The following NTRK1 variants were observed in gnomAD, a reference collection of about 807,000 sequenced individuals.
NTRK1 encodes high affinity nerve growth factor receptor.
A neutral mutation model predicts 86.8 loss-of-function variants in NTRK1; 62 were observed. The observed-to-expected ratio is 0.71, with a 90% CI of 0.58 to 0.88. The LOEUF (loss-of-function observed/expected upper bound fraction) is 0.88. Among genes scored for constraint, NTRK1 ranks in the 40% least tolerant of loss-of-function variants. The pLI is 0.00. For missense variants in NTRK1, 967 were observed against 1,078.4 expected, an observed-to-expected ratio of 0.90 and a Z score of 1.45; for synonymous variants, 469 against 456.6, an observed-to-expected ratio of 1.03 and a Z score of -0.35.
At chr1:156,841,613 C>T in intron 1 of NTRK1, 6 of 1,609,882 alleles carry the variant, frequency 3.7e-6, no homozygotes, top group Non-Finnish European at 5.1e-6. Flanking sequence ...CAGGCCCCTC[C>T]CCAGATCCCG....
intron 1 of NTRK1, among the ~76,000 whole-genome samples, chr1:156,829,345 C>T (rs570825875): frequency 6.6e-6 from 1 of 152,286 alleles, no homozygotes; most frequent in South Asian, 2.1e-4. Flanking sequence ...CCGTATCCCT[C>T]ATCCCCCCTT....
At chr1:156,842,038 G>A in intron 1 of NTRK1, 1 of 1,598,474 alleles carries the variant, frequency 6.3e-7, no homozygotes. Flanking sequence ...CAGGGCTGTG[G>A]GTCTCCTGAT....
chr1:156,860,926 G>T lies in NTRK1; in HGVS notation c.-9G>T, dbSNP rs961226001. ...GCTGCCCCGCCTGAGCGAGGCGGGC[G>T]CCGCCGCGATGCTGCGAGGCGGACG... On this transcript the variant is annotated 5_prime_UTR_variant, in exon 1 of 17. Coordinates refer to ENST00000524377, the MANE Select transcript of NTRK1 (RefSeq NM_002529.4). The T allele has an allele frequency of 1.4e-6, 2 of 1,439,824 alleles. No individual in the cohort carries two copies. Among genetic ancestry groups the T allele is most frequent in the African/African-American group, 1.5e-5 (1 of 67,016 alleles). 89.2% of individuals were successfully genotyped at this position (1,439,824 alleles called of 1,614,324 possible). A position where few individuals can be genotyped will look rare whatever the true frequency, so the allele number is the denominator to read the frequency against.
chr1:156,861,083 G>T lies in NTRK1; in HGVS notation c.149G>T (p.Cys50Phe). 1.3e-6 allele frequency: 2 copies of T among 1,580,106 alleles called. No homozygotes were observed. The highest frequency in any genetic ancestry group is 8.6e-7 in the Non-Finnish European group (1 of 1,167,316). ...CCPHGSSGLRCTRDGALDSLH... is the reference protein window; with the variant it reads ...CCPHGSSGLRFTRDGALDSLH... ...CCCCACGGCTCCTCGGGACTGCGAT[G>T]CACCCGGGATGGGGCCCTGGATAGC... The change falls in exon 1 of 17, where the codon TGC becomes TTC. Residue 50 changes from cysteine to phenylalanine, a missense_variant. Around this residue, in one of 2 missense-constraint regions of NTRK1, gnomAD observed 330 missense variants for 302.0 expected, o/e 1.09. Transcript: ENST00000524377.
intron 7 of NTRK1, among the ~76,000 whole-genome samples, chr1:156,873,018 AGTGTGTGTGTGT>A (rs55870362): frequency 1.8e-4 from 23 of 131,016 alleles, no homozygotes; most frequent in South Asian, 5.3e-4. Flanking sequence ...TTTCAAAAAG[AGTGTGTGTGTGT>A]GTGTGTGTGT....
chr1:156,837,937 A>G (rs969856902), intron 1 of NTRK1: 2 of 152,088 alleles, frequency 1.3e-5, no homozygotes, highest in African/African-American at 4.8e-5. Context: ...CGTTGGTATG[A>G]GCAGGTGTCG....
chr1:156,865,772 G>A (rs1324665342), intron 3 of NTRK1, among the ~76,000 whole-genome samples: 1 of 152,184 alleles, frequency 6.6e-6, no homozygotes, highest in Non-Finnish European at 1.5e-5. Context: ...CTGAGGGCAG[G>A]AGTTCAGCTC....
At chr1:156,819,586 T>C (rs1427908431) in intron 1 of NTRK1, among the ~76,000 whole-genome samples, 3 of 152,062 alleles carry the variant, frequency 2.0e-5, no homozygotes, top group South Asian at 2.1e-4. Flanking sequence ...AATGGCATAA[T>C]CTCGGCTCAC....
At chr1:156,865,559 A>G (rs893632826) in intron 3 of NTRK1, among the ~76,000 whole-genome samples, 5 of 152,142 alleles carry the variant, frequency 3.3e-5, no homozygotes, top group African/African-American at 1.2e-4. Flanking sequence ...CCCTGTTTAT[A>G]GCCCCTCTTC....
intron 7 of NTRK1, among the ~76,000 whole-genome samples, chr1:156,873,339 G>A (rs998957655): frequency 6.6e-6 from 1 of 152,208 alleles, no homozygotes; most frequent in South Asian, 2.1e-4. Context: ...ATGTTTAATT[G>A]TCATAAGCTG....
At chr1:156,868,004 C>T (rs1647270714) in intron 4 of NTRK1, 100 bp from the exon 5 acceptor site, 3 of 1,329,902 alleles carry the variant, frequency 2.3e-6, no homozygotes, top group Admixed American at 1.7e-5. Context: ...CTCCCTTTCA[C>T]CTGTAGACGG....
Position 156,871,685 on chromosome 1 carries a change from G to A in NTRK1, c.780G>A (p.Arg260=), listed in dbSNP as rs1233899976. The change falls in exon 7 of 17, where the codon AGG becomes AGA. Residue 260 remains arginine, a synonymous_variant. Transcript: ENST00000524377. Reference sequence around the variant, plus strand: ...CCAATGTCACCAGTGACCTCAACAGGAAGAACGTGACGTGCTGGGCAGAGA... The same window carrying A: ...CCAATGTCACCAGTGACCTCAACAGAAAGAACGTGACGTGCTGGGCAGAGA... ...TLANVTSDLN[R]KNVTCWAEND... is the part of the protein sequence containing the mutation. 6.2e-7 allele frequency: 1 copy of A among 1,614,058 alleles called. No homozygotes were observed. The highest frequency in any genetic ancestry group is 2.2e-5 in the East Asian group (1 of 44,894).
intron 1 of NTRK1, among the ~76,000 whole-genome samples, chr1:156,819,665 A>G (rs1276342612): frequency 6.6e-6 from 1 of 151,836 alleles, no homozygotes; most frequent in African/African-American, 2.4e-5. Flanking sequence ...GATTACAGGC[A>G]TGCGCCACCA....
chr1:156,879,418 G>A (rs1182636305), intron 15 of NTRK1, 56 bp downstream of exon 15: 41 of 1,559,722 alleles, frequency 2.6e-5, no homozygotes, highest in Middle Eastern at 1.7e-4. Flanking sequence ...AGACACCCTG[G>A]ATCCCAAGAC....
upstream of NTRK1, chr1:156,860,707 G>A: frequency 1.3e-6 from 1 of 775,914 alleles, no homozygotes; most frequent in Non-Finnish European, 1.8e-6. Context: ...GGAGAAGGCT[G>A]ACGCTGGGGG....
At chr1:156,879,494 C>G in intron 15 of NTRK1, 132 bp downstream of exon 15, 1 of 1,224,472 alleles carries the variant, frequency 8.2e-7, no homozygotes, top group Non-Finnish European at 1.1e-6. Context: ...TGGTTTTCAA[C>G]CTACCTCCTC....
upstream of NTRK1, chr1:156,860,798 C>A (rs1027545153): frequency 1.6e-5 from 21 of 1,324,500 alleles, no homozygotes; most frequent in African/African-American, 3.1e-4. Flanking sequence ...CGGGGCCGGG[C>A]GGGGGCCGCT....
At position 156,838,622 on chromosome 1, in the gene NTRK1, A is replaced by C. The variant is rs578241872; in HGVS notation, c.-63-3459A>C. On this transcript the variant is annotated intron_variant, in intron 1 of 16. Coordinates refer to the NTRK1 transcript ENST00000392302. ...CCAACCTCCATCTATCTTGCTACCT[A>C]GTTAAATCCACTTCTTTTCTAGGAC... Among the ~76,000 whole-genome samples, 6 of 152,272 alleles carry C rather than the reference A, an allele frequency of 3.9e-5. No individual in the cohort carries two copies. In the South Asian group the frequency reaches 1.2e-3, roughly 32 times the overall value.
chr1:156,869,103 G>T (rs925060961), intron 6 of NTRK1, among the ~76,000 whole-genome samples: 1 of 127,270 alleles, frequency 7.9e-6, no homozygotes, highest in South Asian at 2.6e-4. Context: ...ATGGAGTTTC[G>T]CTCTGTTGCC....
Sources: gnomAD v4.1 joint callset for allele counts (sites outside exome capture counted in the v4.1 genomes callset) on GRCh38, gnomAD v4.1.1 for gene constraint, gnomAD v4.1.1 regional missense constraint, MANE v1.5 for transcripts, NCBI Gene and HGNC (gene_info 2026-07-23, HGNC 2026-07-21) for gene names.